ADAMTSL1: variants seen among roughly 807,000 people sequenced by gnomAD.
ADAMTSL1 encodes ADAMTS like 1.
Under a neutral mutation model 201.8 loss-of-function variants are expected in ADAMTSL1, and 126 were observed. The ratio of observed to expected loss-of-function variants is 0.62; its 90% CI spans 0.54 to 0.72. ADAMTSL1 has a LOEUF of 0.72. Ranked by LOEUF, ADAMTSL1 falls within the 30% of genes least tolerant of loss-of-function variation. ADAMTSL1 has a pLI of 0.00. For missense variants in ADAMTSL1, 2,679 were observed against 2,277.8 expected (o/e 1.18, Z -3.59); for synonymous variants, 1,121 against 903.4 (o/e 1.24, Z -4.32).
intron 1 of ADAMTSL1, among the ~76,000 whole-genome samples, chr9:17,973,033 T>C (rs1818279136): frequency 2.4e-5 from 1 of 41,242 alleles, no homozygotes; most frequent in South Asian, 6.0e-4. Context: ...CTTGTAAATT[T>C]GTTTGAGTTC....
At chr9:18,309,881 A>G (rs561369658) in intron 2 of ADAMTSL1, among the ~76,000 whole-genome samples, 47 of 152,088 alleles carry the variant, frequency 3.1e-4, no homozygotes, top group Non-Finnish European at 6.5e-4. Flanking sequence ...TATAGCCAAG[A>G]CATTCCTAAG....
intron 2 of ADAMTSL1, among the ~76,000 whole-genome samples, chr9:18,187,659 T>A (rs1166558369): frequency 6.6e-6 from 1 of 152,134 alleles, no homozygotes; most frequent in Admixed American, 6.6e-5. Flanking sequence ...TAATATATAT[T>A]TGGACTTTCT....
intron 1 of ADAMTSL1, among the ~76,000 whole-genome samples, chr9:18,131,187 T>C (rs376896573): frequency 1.3e-5 from 2 of 152,224 alleles, no homozygotes. Context: ...TCTTTGGGTC[T>C]TACTTATTTT....
At chr9:18,097,022 A>C (rs1426463351) in intron 1 of ADAMTSL1, among the ~76,000 whole-genome samples, 1 of 152,182 alleles carries the variant, frequency 6.6e-6, no homozygotes, top group African/African-American at 2.4e-5. Flanking sequence ...TTTGTATCAG[A>C]TATACTGTCA....
chr9:18,631,438 T>C (rs139721754), intron 5 of ADAMTSL1, among the ~76,000 whole-genome samples: 3 of 152,192 alleles, frequency 2.0e-5, no homozygotes, highest in South Asian at 2.1e-4. Context: ...CTCCTCAAGA[T>C]TGGCAGACTA....
intron 1 of ADAMTSL1, among the ~76,000 whole-genome samples, chr9:17,953,760 A>G (rs1377123125): frequency 2.6e-5 from 4 of 152,178 alleles, no homozygotes; most frequent in Admixed American, 1.3e-4. Flanking sequence ...TCAGTTATCT[A>G]TTGCTGCAAA....
intron 2 of ADAMTSL1, among the ~76,000 whole-genome samples, chr9:18,312,720 G>GC (rs1834203866): frequency 6.6e-6 from 1 of 152,118 alleles, no homozygotes; most frequent in African/African-American, 2.4e-5. Context: ...ATTCCTGTCT[G>GC]CCCCCACCCC....
intron 20 of ADAMTSL1, among the ~76,000 whole-genome samples, chr9:18,805,824 T>A (rs539027649): frequency 6.6e-6 from 1 of 152,326 alleles, no homozygotes; most frequent in East Asian, 1.9e-4. Context: ...ATCTCAAACC[T>A]GTTTGCTGTT....
intron 1 of ADAMTSL1, among the ~76,000 whole-genome samples, chr9:17,977,493 T>G (rs552314065): frequency 6.6e-6 from 1 of 152,264 alleles, no homozygotes; most frequent in East Asian, 1.9e-4. Flanking sequence ...TTTGTTCAGA[T>G]GATCTATTTC....
At chr9:18,743,883 T>C (rs509519) in intron 15 of ADAMTSL1, among the ~76,000 whole-genome samples, 125,971 of 152,124 alleles carry the variant, frequency 0.83, 52,294 homozygotes, top group African/African-American at 0.85. Flanking sequence ...AATCCATCTG[T>C]GATCGCTGGG....
At chr9:18,284,126 G>C (rs1832906884) in intron 2 of ADAMTSL1, among the ~76,000 whole-genome samples, 1 of 151,706 alleles carries the variant, frequency 6.6e-6, no homozygotes, top group South Asian at 2.1e-4. Flanking sequence ...CTACTCGGGA[G>C]GCTGAGGCAG....
intron 2 of ADAMTSL1, among the ~76,000 whole-genome samples, chr9:18,311,883 G>A (rs746833031): frequency 2.0e-5 from 3 of 152,170 alleles, no homozygotes; most frequent in Non-Finnish European, 4.4e-5. Context: ...TGGCTGAAAA[G>A]GCATTTGTCA....
intron 2 of ADAMTSL1, among the ~76,000 whole-genome samples, chr9:18,326,081 A>G (rs1834821484): frequency 6.6e-6 from 1 of 152,146 alleles, no homozygotes; most frequent in African/African-American, 2.4e-5. Context: ...AGCAGCCCTC[A>G]TGGCCTAATG....
chr9:18,211,313 A>G (rs1587320279), intron 2 of ADAMTSL1, among the ~76,000 whole-genome samples: 2 of 152,240 alleles, frequency 1.3e-5, no homozygotes, highest in South Asian at 4.2e-4. Context: ...AAGAAATACA[A>G]TGGCCCCCCT....
intron 2 of ADAMTSL1, among the ~76,000 whole-genome samples, chr9:18,284,686 A>C (rs1832926777): frequency 6.6e-6 from 1 of 152,244 alleles, no homozygotes. Flanking sequence ...GAAGAAAATA[A>C]AACTTAACTA....
chr9:18,334,838 A>G (rs905924710), intron 2 of ADAMTSL1, among the ~76,000 whole-genome samples: 3 of 152,212 alleles, frequency 2.0e-5, no homozygotes, highest in African/African-American at 4.8e-5. Context: ...ATCAGAAGAA[A>G]GAGATTTTTG....
intron 1 of ADAMTSL1, among the ~76,000 whole-genome samples, chr9:17,950,198 C>T (rs935902317): frequency 2.5e-4 from 38 of 152,028 alleles, no homozygotes; most frequent in African/African-American, 8.7e-4. Flanking sequence ...TGAGCCACTG[C>T]ATCTGGCCTG....
intron 23 of ADAMTSL1, among the ~76,000 whole-genome samples, chr9:18,885,630 A>G (rs1283854797): frequency 6.6e-6 from 1 of 152,186 alleles, no homozygotes; most frequent in African/African-American, 2.4e-5. Flanking sequence ...GAATTGGATC[A>G]TATAACACTA....
chr9:18,421,365 A>G (rs1818939929), intron 2 of ADAMTSL1, among the ~76,000 whole-genome samples: 1 of 152,106 alleles, frequency 6.6e-6, no homozygotes, highest in Admixed American at 6.5e-5. Flanking sequence ...CTTACAAGTT[A>G]TTATCATTCT....
Sources: allele counts gnomAD v4.1 joint callset (sites outside exome capture counted in the v4.1 genomes callset), GRCh38; gene constraint gnomAD v4.1.1; transcripts MANE v1.5; gene names NCBI Gene and HGNC (gene_info 2026-07-23, HGNC 2026-07-21).